CLASP1: variants seen among roughly 807,000 people sequenced by gnomAD.
CLASP1 encodes the protein CLIP-associating protein 1.
A neutral mutation model predicts 192.3 loss-of-function variants in CLASP1; 38 were observed. The observed-to-expected ratio is 0.20, with a 90% CI of 0.15 to 0.26. The LOEUF (loss-of-function observed/expected upper bound fraction) is 0.26. Ranked by LOEUF, CLASP1 falls within the 10% of genes least tolerant of loss-of-function variation. CLASP1 has a pLI of 1.00. For synonymous variants in CLASP1, 691 were observed against 712.8 expected, an observed-to-expected ratio of 0.97 and a Z score of 0.49; for missense variants, 1,433 against 1,932.5, an observed-to-expected ratio of 0.74 and a Z score of 4.85.
chr2:121,365,230 T>C, exon 36 of CLASP1: 1 of 1,613,778 alleles, frequency 6.2e-7, no homozygotes, highest in Non-Finnish European at 8.5e-7. Flanking sequence ...TCGCTCATTG[T>C]GGTTGGACAG....
At chr2:121,405,835 G>A (rs546355693) in intron 25 of CLASP1, among the ~76,000 whole-genome samples, 6 of 152,254 alleles carry the variant, frequency 3.9e-5, no homozygotes, top group South Asian at 2.1e-4. Context: ...TTCCTGTATC[G>A]TCTTTGTGAA....
intron 23 of CLASP1, among the ~76,000 whole-genome samples, chr2:121,418,068 G>A (rs2078907912): frequency 6.6e-6 from 1 of 152,218 alleles, no homozygotes; most frequent in African/African-American, 2.4e-5. Flanking sequence ...GTTGACAGAT[G>A]TCTTTTGGGG....
intron 6 of CLASP1, among the ~76,000 whole-genome samples, chr2:121,524,764 CTA>C (rs2094535145): frequency 6.6e-6 from 1 of 152,034 alleles, no homozygotes; most frequent in South Asian, 2.1e-4. Flanking sequence ...CGGCCTAATG[CTA>C]TATATTTTCA....
chr2:121,463,205 G>A (rs1296076179), intron 9 of CLASP1, among the ~76,000 whole-genome samples: 1 of 152,012 alleles, frequency 6.6e-6, no homozygotes, highest in African/African-American at 2.4e-5. Flanking sequence ...GCTAATATGA[G>A]CTCCCCTTTA....
At chr2:121,367,882 T>A in intron 34 of CLASP1, 51 bp from the exon 36 acceptor site, 1 of 1,590,216 alleles carries the variant, frequency 6.3e-7, no homozygotes, top group South Asian at 1.1e-5. Context: ...AATGGACATT[T>A]CCTTTGAATG....
chr2:121,391,167 C>CA (rs2074276144), intron 30 of CLASP1, among the ~76,000 whole-genome samples: 1 of 152,180 alleles, frequency 6.6e-6, no homozygotes, highest in Non-Finnish European at 1.5e-5. Flanking sequence ...CCAGAGCCTT[C>CA]ACAAGGGCAA....
chr2:121,580,081 G>C (rs1055952868), intron 2 of CLASP1, among the ~76,000 whole-genome samples: 1 of 152,192 alleles, frequency 6.6e-6, no homozygotes, highest in Non-Finnish European at 1.5e-5. Context: ...ATATGCTTTA[G>C]TGGATCCCTG....
intron 30 of CLASP1, among the ~76,000 whole-genome samples, chr2:121,392,067 A>G (rs2074451603): frequency 6.6e-6 from 1 of 152,192 alleles, no homozygotes. Context: ...CAATTTATGT[A>G]TTAATACTTC....
chr2:121,409,044 A>C (rs1228150336), intron 24 of CLASP1: 10 of 1,567,624 alleles, frequency 6.4e-6, no homozygotes, highest in Non-Finnish European at 8.7e-6. Flanking sequence ...GAGTCTCCTA[A>C]CAGCTGTAGG....
At position 121,471,489 on chromosome 2, in the gene CLASP1, A is replaced by G. The variant is rs148227928; in HGVS notation, c.713-1529T>C. Among the ~76,000 whole-genome samples the G allele has an allele frequency of 4.7e-4, 72 of 152,184 alleles. No individual in the cohort carries two copies. The Middle Eastern group carries it at 0.014, about 29-fold the overall frequency. On this transcript the variant is annotated intron_variant, in intron 8 of 39. Coordinates refer to ENST00000263710, the Ensembl canonical transcript of CLASP1. ...TGAAATGGGCATTAGTTCTTTACCA[A>G]TAAGTTTGAAATAAATCATTGCTAT... is the stretch of plus-strand genomic sequence containing the variant.
At chr2:121,470,933 T>C (rs773973430) in intron 8 of CLASP1, among the ~76,000 whole-genome samples, 7 of 152,226 alleles carry the variant, frequency 4.6e-5, no homozygotes, top group Non-Finnish European at 8.8e-5. Flanking sequence ...AACATTTTTT[T>C]CGTAAGTTCA....
chr2:121,412,200 T>G (rs10191223), intron 23 of CLASP1, among the ~76,000 whole-genome samples: 38,232 of 152,068 alleles, frequency 0.25, 7,659 homozygotes, highest in African/African-American at 0.55. Context: ...ACCACAGAAA[T>G]GGAGAAAAAT....
intron 16 of CLASP1, 74 bp downstream of exon 16, chr2:121,450,834 TTTTTA>T: frequency 1.9e-6 from 2 of 1,060,274 alleles, no homozygotes; most frequent in Non-Finnish European, 2.8e-6. Flanking sequence ...GTAACTTAAG[TTTTTA>T]ATAAGGCAAT....
chr2:121,539,602 A>G (rs2095182760), intron 2 of CLASP1, among the ~76,000 whole-genome samples: 1 of 152,236 alleles, frequency 6.6e-6, no homozygotes, highest in African/African-American at 2.4e-5. Flanking sequence ...CACAATAAAC[A>G]CAAACCATAA....
chr2:121,555,166 G>A (rs987372302), intron 2 of CLASP1, among the ~76,000 whole-genome samples: 6 of 152,110 alleles, frequency 3.9e-5, no homozygotes, highest in Admixed American at 6.5e-5. Context: ...GTCTCTCTGC[G>A]GCCCATGAAT....
At position 121,478,629 on chromosome 2, in the gene CLASP1, A is replaced by ACACACCCCC. The variant is rs2091954704; in HGVS notation, c.713-8670_713-8669insGGGGGTGTG. ...ACACACACACACACCACACACACACATACACACACACACACCCCCCACACA... is the reference window on the plus strand; with the variant it reads ...ACACACACACACACCACACACACACACACACCCCCTACACACACACACACCCCCCACACA... On this transcript the variant is annotated intron_variant, in intron 8 of 39. Transcript: ENST00000263710. Among the ~76,000 whole-genome samples the ACACACCCCC allele has an allele frequency of 2.6e-4, 20 of 75,936 alleles. No homozygotes were observed. The South Asian group carries it at 5.4e-3, about 21-fold the overall frequency. 49.8% of individuals were successfully genotyped at this position (75,936 alleles called of 152,430 possible).
At chr2:121,534,153 C>G (rs1266498695) in intron 2 of CLASP1, among the ~76,000 whole-genome samples, 2 of 152,210 alleles carry the variant, frequency 1.3e-5, no homozygotes, top group East Asian at 3.8e-4. Context: ...GCCCTGGGGC[C>G]ATTTATACAC....
intron 2 of CLASP1, among the ~76,000 whole-genome samples, chr2:121,544,497 A>G (rs1226918573): frequency 6.6e-6 from 1 of 152,118 alleles, no homozygotes; most frequent in Non-Finnish European, 1.5e-5. Context: ...CTGGAAAAAC[A>G]TAACAATAGT....
chr2:121,391,290 A>T (rs2074295620), intron 30 of CLASP1, among the ~76,000 whole-genome samples: 3 of 152,182 alleles, frequency 2.0e-5, no homozygotes, highest in African/African-American at 7.2e-5. Context: ...CCAGGACCAG[A>T]GCAGGTTGAA....
Sources: gnomAD v4.1 joint callset for allele counts (sites outside exome capture counted in the v4.1 genomes callset) on GRCh38, gnomAD v4.1.1 for gene constraint, MANE v1.5 for transcripts, NCBI Gene and HGNC (gene_info 2026-07-23, HGNC 2026-07-21) for gene names.